Variants in PDS5A observed in about 807,000 individuals in gnomAD.
The protein encoded by PDS5A is sister chromatid cohesion protein PDS5 homolog A.
Under a neutral mutation model 167.1 loss-of-function variants are expected in PDS5A, and 42 were observed. The observed-to-expected ratio is 0.25, with a 90% CI of 0.20 to 0.33. PDS5A has a LOEUF of 0.33. Ranked by LOEUF, PDS5A falls within the 10% of genes least tolerant of loss-of-function variation. PDS5A has a pLI of 1.00. For missense variants in PDS5A, 1,033 were observed against 1,605.9 expected, an observed-to-expected ratio of 0.64 and a Z score of 6.10; for synonymous variants, 553 against 554.6, an observed-to-expected ratio of 1.00 and a Z score of 0.04.
chr4:39,852,549 C>T (rs1718205871), intron 26 of PDS5A, among the ~76,000 whole-genome samples: 1 of 152,100 alleles, frequency 6.6e-6, no homozygotes. Flanking sequence ...TGAAACCATA[C>T]CCCCACCCCA....
chr4:39,839,518 G>A (rs751898087), intron 31 of PDS5A, among the ~76,000 whole-genome samples: 1 of 151,972 alleles, frequency 6.6e-6, no homozygotes, highest in South Asian at 2.1e-4. Context: ...GCAGTAAGCC[G>A]AGATCGCGCC....
chr4:39,965,348 C>T (rs1729877890), intron 2 of PDS5A, among the ~76,000 whole-genome samples: 1 of 152,184 alleles, frequency 6.6e-6, no homozygotes, highest in Non-Finnish European at 1.5e-5. Context: ...CACTGTGGAT[C>T]ATCTAGACCA....
intron 17 of PDS5A, among the ~76,000 whole-genome samples, chr4:39,885,290 A>G (rs1321121069): frequency 6.7e-6 from 1 of 149,456 alleles, no homozygotes; most frequent in Non-Finnish European, 1.5e-5. Flanking sequence ...AAGACAAAAG[A>G]AAGGAGAAGA....
chr4:39,837,297 C>A (rs1716517818), intron 32 of PDS5A: 1 of 152,998 alleles, frequency 6.5e-6, no homozygotes, highest in African/African-American at 2.4e-5. Context: ...GTTCTAAGGC[C>A]AAGGTGAAAG....
At chr4:39,881,470 T>C (rs1720922439) in intron 17 of PDS5A, among the ~76,000 whole-genome samples, 1 of 152,118 alleles carries the variant, frequency 6.6e-6, no homozygotes, top group Non-Finnish European at 1.5e-5. Context: ...TCACAAGAAT[T>C]ATTTTAAAAT....
intron 32 of PDS5A, 117 bp from the exon 33 acceptor site, chr4:39,825,605 T>C: frequency 1.3e-6 from 1 of 757,684 alleles, no homozygotes; most frequent in South Asian, 2.2e-5. Context: ...TTTTTAAACT[T>C]AAGCATCAGG....
At chr4:39,840,659 G>A (rs73242414) in intron 31 of PDS5A, among the ~76,000 whole-genome samples, 10,819 of 152,092 alleles carry the variant, frequency 0.071, 482 homozygotes, top group Non-Finnish European at 0.1. Flanking sequence ...GCCTCCCAAC[G>A]TGTTGGAATT....
intron 2 of PDS5A, among the ~76,000 whole-genome samples, chr4:39,934,456 C>T (rs1474862857): frequency 6.6e-6 from 1 of 152,142 alleles, no homozygotes; most frequent in African/African-American, 2.4e-5. Context: ...ATGCTATTGG[C>T]TCTTTGTAGA....
chr4:39,940,431 T>C (rs1412672345), intron 2 of PDS5A, among the ~76,000 whole-genome samples: 1 of 152,142 alleles, frequency 6.6e-6, no homozygotes, highest in Non-Finnish European at 1.5e-5. Flanking sequence ...TGGTTACTTA[T>C]TAAACTGCAT....
rs1578718546 is a variant in PDS5A, at chr4:39,908,692, G to A, written c.1088-152C>T. ...GAAATTAAATCATGTTATTTTTACAGCAGCAGTACTCTACTGTAATCACAA... is the reference window on the plus strand; with the variant it reads ...GAAATTAAATCATGTTATTTTTACAACAGCAGTACTCTACTGTAATCACAA... On this transcript the variant is annotated intron_variant, in intron 10 of 32. Coordinates refer to ENST00000303538, the MANE Select transcript of PDS5A (RefSeq NM_001100399.2). The A allele has an allele frequency of 1.1e-5, 7 of 612,508 alleles. No homozygotes were observed. In the East Asian group the frequency reaches 1.9e-4, roughly 17 times the overall value. The allele number at this position is 612,508 out of a possible 1,614,324, so 37.9% of individuals were successfully genotyped here. A position where few individuals can be genotyped will look rare whatever the true frequency, so the allele number is the denominator to read the frequency against.
At chr4:39,953,702 C>G (rs945956814) in intron 2 of PDS5A, among the ~76,000 whole-genome samples, 3 of 152,048 alleles carry the variant, frequency 2.0e-5, no homozygotes, top group African/African-American at 7.2e-5. Flanking sequence ...TGCACTCCAG[C>G]CTAGGCCACA....
At chr4:39,908,610 A>C (rs747196068) in intron 10 of PDS5A, 70 bp from the exon 11 acceptor site, 17 of 931,658 alleles carry the variant, frequency 1.8e-5, no homozygotes, top group Non-Finnish European at 2.9e-5. Flanking sequence ...GAATGGCAAG[A>C]ACAGAAATAT....
At chr4:39,906,640 A>T (rs1411625535) in intron 11 of PDS5A, among the ~76,000 whole-genome samples, 2 of 151,416 alleles carry the variant, frequency 1.3e-5, no homozygotes, top group Non-Finnish European at 2.9e-5. Flanking sequence ...GCAGCAGCTG[A>T]GTGTGATGGT....
intron 17 of PDS5A, among the ~76,000 whole-genome samples, chr4:39,888,006 C>T (rs1578674156): frequency 6.6e-6 from 1 of 152,038 alleles, no homozygotes; most frequent in Non-Finnish European, 1.5e-5. Context: ...AATCCCAGCA[C>T]TTTGGGAGGC....
At chr4:39,872,367 T>C (rs1315935477) in intron 21 of PDS5A, among the ~76,000 whole-genome samples, 1 of 151,952 alleles carries the variant, frequency 6.6e-6, no homozygotes, top group Admixed American at 6.6e-5. Flanking sequence ...TAACAATGTT[T>C]GATAAAACAA....
At chr4:39,837,832 T>C (rs1229558449) in intron 32 of PDS5A, 24 bp downstream of exon 32, 1 of 1,538,230 alleles carries the variant, frequency 6.5e-7, no homozygotes, top group South Asian at 1.2e-5. Context: ...AAATTCCCAC[T>C]TGAGGAAGAA....
At chr4:39,952,737 T>G (rs1005893514) in intron 2 of PDS5A, among the ~76,000 whole-genome samples, 26 of 151,222 alleles carry the variant, frequency 1.7e-4, no homozygotes, top group African/African-American at 6.1e-4. Context: ...TTTTTTTTTT[T>G]TTTTTTTTGA....
intron 2 of PDS5A, among the ~76,000 whole-genome samples, chr4:39,950,325 G>C (rs1219638566): frequency 2.0e-5 from 3 of 152,004 alleles, no homozygotes; most frequent in Non-Finnish European, 4.4e-5. Context: ...TACTTAGAAG[G>C]CTGAGGCAGG....
intron 2 of PDS5A, among the ~76,000 whole-genome samples, chr4:39,951,165 T>C (rs541304307): frequency 6.6e-6 from 1 of 152,252 alleles, no homozygotes; most frequent in East Asian, 1.9e-4. Context: ...AGTGCTAGGA[T>C]TACAGAAATA....
Sources: gnomAD v4.1 joint callset for allele counts (sites outside exome capture counted in the v4.1 genomes callset) on GRCh38, gnomAD v4.1.1 for gene constraint, MANE v1.5 for transcripts, NCBI Gene and HGNC (gene_info 2026-07-23, HGNC 2026-07-21) for gene names.